Variants in RNF13 observed in about 807,000 individuals in gnomAD.
RNF13 encodes ring finger protein 13.
Under a neutral mutation model 37.7 loss-of-function variants are expected in RNF13, and 19 were observed. That is an observed-to-expected ratio of 0.50 (90% CI 0.35 to 0.74). The LOEUF (loss-of-function observed/expected upper bound fraction) is 0.74, where lower values mean the gene tolerates loss of function less well. Ranked by LOEUF, RNF13 falls within the 30% of genes least tolerant of loss-of-function variation. The pLI is 0.01. For synonymous variants in RNF13, 144 were observed against 157.8 expected, an observed-to-expected ratio of 0.91 and a Z score of 0.65; for missense variants, 375 against 453.0, an observed-to-expected ratio of 0.83 and a Z score of 1.56.
At chr3:149,931,379 C>T (rs558065046) in intron 8 of RNF13, among the ~76,000 whole-genome samples, 24 of 152,190 alleles carry the variant, frequency 1.6e-4, no homozygotes, top group Admixed American at 5.9e-4. Context: ...TCTGCTTTTA[C>T]TTGCATTGAT....
intron 3 of RNF13, among the ~76,000 whole-genome samples, chr3:149,868,629 T>C (rs950654558): frequency 6.6e-6 from 1 of 151,116 alleles, no homozygotes; most frequent in Admixed American, 6.6e-5. Flanking sequence ...CCCTTTCTGT[T>C]CTTTCCTTTC....
intron 3 of RNF13, among the ~76,000 whole-genome samples, chr3:149,869,431 C>G (rs1222799642): frequency 6.6e-6 from 1 of 151,374 alleles, no homozygotes; most frequent in Non-Finnish European, 1.5e-5. Context: ...CGGTGAAACC[C>G]CGTCTCTACT....
intron 3 of RNF13, among the ~76,000 whole-genome samples, chr3:149,859,356 TAAAC>T: frequency 6.6e-6 from 1 of 152,322 alleles, no homozygotes; most frequent in East Asian, 1.9e-4. Context: ...GCTTCTAAAA[TAAAC>T]CCTTTCCTCT....
rs1269093838 is a variant in RNF13 at position 149,895,504 on chromosome 3, C to T, written c.353C>T (p.Ala118Val). 6.2e-7 allele frequency: 1 copy of T among 1,606,176 alleles called. No homozygotes were observed. The highest frequency in any genetic ancestry group is 1.1e-5 in the South Asian group (1 of 90,366). Residue 118 changes from alanine to valine, a missense_variant, in exon 5 of 10, where the codon GCA (alanine) becomes GTA (valine). By Grantham distance (64) the Ala-to-Val change is moderately conservative. Coordinates refer to ENST00000392894, the MANE Select transcript of RNF13 (RefSeq NM_183381.3). ...VLNAQRAGYK[A>V]AIVHNVDSDD... The stretch of plus-strand genomic sequence containing the variant: ...AATGCACAGAGAGCAGGATACAAGG[C>T]AGCCATAGTTCACAATGTTGATTCT...
At chr3:149,826,408 A>G (rs1034495686) in intron 1 of RNF13, among the ~76,000 whole-genome samples, 2 of 152,218 alleles carry the variant, frequency 1.3e-5, no homozygotes, top group Admixed American at 1.3e-4. Flanking sequence ...TCTGCTCAAG[A>G]TCTGCCCTTT....
In RNF13 at chr3:149,960,969, A is replaced by G; in HGVS notation, c.1011A>G (p.Glu337=). 6.2e-7 allele frequency: 1 copy of G among 1,614,246 alleles called. No homozygotes were observed. The part of the protein sequence containing the change: ...SESRSHQNMT[E]SSDYEEDDNE... ...CCCGCTCACATCAGAACATGACAGA[A>G]TCTTCAGACTATGAGGAAGACGACA... The change falls in exon 10 of 10, where the codon GAA becomes GAG. Residue 337 remains glutamate, a synonymous_variant. Transcript: ENST00000392894.
At chr3:149,950,287 G>A (rs73868608) in intron 8 of RNF13, among the ~76,000 whole-genome samples, 4,754 of 22,536 alleles carry the variant, frequency 0.21, 250 homozygotes, top group African/African-American at 0.31. Flanking sequence ...ATCTGAGTCT[G>A]TTTGTGATGC....
At chr3:149,849,867 T>G (rs1722973133) in intron 2 of RNF13, among the ~76,000 whole-genome samples, 1 of 152,214 alleles carries the variant, frequency 6.6e-6, no homozygotes, top group Admixed American at 6.5e-5. Flanking sequence ...TTAAGGAAGC[T>G]GTCAAGAAAA....
chr3:149,900,127 CCTTTTTCTTA>C, intron 5 of RNF13, among the ~76,000 whole-genome samples: 1 of 152,228 alleles, frequency 6.6e-6, no homozygotes, highest in Non-Finnish European at 1.5e-5. Flanking sequence ...ATATTTTCTC[CCTTTTTCTTA>C]ATCATTTTAT....
intron 4 of RNF13, among the ~76,000 whole-genome samples, chr3:149,881,551 G>A (rs1250195299): frequency 5.9e-5 from 9 of 152,004 alleles, no homozygotes; most frequent in African/African-American, 1.2e-4. Context: ...GGCTGGCCTC[G>A]AACCCCTGAC....
chr3:149,915,417 G>T (rs573414475), intron 7 of RNF13, among the ~76,000 whole-genome samples: 20 of 152,144 alleles, frequency 1.3e-4, no homozygotes, highest in Admixed American at 3.3e-4. Context: ...TGGTAGGAAG[G>T]TAGAATGGAA....
rs3039646 is a variant in RNF13, at chr3:149,835,633, T to TTGTGTGTGTGTGTGTG, written c.-16-10360_-16-10345dup. Among the ~76,000 whole-genome samples the TTGTGTGTGTGTGTGTG allele has an allele frequency of 7.3e-3, 1,011 of 138,670 alleles. 4 individuals carry two copies. The highest frequency in any genetic ancestry group is 0.011 in the African/African-American group (419 of 38,126). The allele number at this position is 138,670 out of a possible 152,430, so 91.0% of individuals were successfully genotyped here. On this transcript the variant is annotated intron_variant, in intron 1 of 9. Transcript: ENST00000392894. Reference sequence around the variant, plus strand: ...ATTTTTATGGCTGCGTAGTATTCCATTGTGTGTGTGTGTGTGTGTGTGTGT... The same window carrying TTGTGTGTGTGTGTGTG: ...ATTTTTATGGCTGCGTAGTATTCCATTGTGTGTGTGTGTGTGTGTGTGTGTGTGTGTGTGTGTGTGT...
intron 2 of RNF13, among the ~76,000 whole-genome samples, chr3:149,850,078 C>G (rs1722993944): frequency 6.6e-6 from 1 of 151,378 alleles, no homozygotes. Flanking sequence ...CTCCTGGATT[C>G]AAGCGACTCT....
At chr3:149,864,008 A>ATTTTTTTTTTT (rs535062004) in intron 3 of RNF13, among the ~76,000 whole-genome samples, 1 of 29,692 alleles carries the variant, frequency 3.4e-5, no homozygotes, top group African/African-American at 1.6e-4. Flanking sequence ...TTTGATTGGA[A>ATTTTTTTTTTT]TTTTTTTTTT....
chr3:149,846,200 A>G, intron 2 of RNF13, 60 bp downstream of exon 2: 2 of 1,109,396 alleles, frequency 1.8e-6, no homozygotes, highest in Non-Finnish European at 2.7e-6. Flanking sequence ...GCTTAAAAAA[A>G]GCCTGGAATG....
At chr3:149,849,496 C>G (rs1722941389) in intron 2 of RNF13, among the ~76,000 whole-genome samples, 1 of 152,166 alleles carries the variant, frequency 6.6e-6, no homozygotes, top group Non-Finnish European at 1.5e-5. Context: ...AAATCCAGCT[C>G]TACCACTCTA....
Position 149,871,314 on chromosome 3 carries a change from T to C in RNF13, c.196-715T>C, listed in dbSNP as rs572223988. 6.5e-4 allele frequency among the ~76,000 whole-genome samples: 98 copies of C among 151,718 alleles called. 1 individual carries two copies. The highest frequency in any genetic ancestry group is 1.3e-3 in the South Asian group (6 of 4,788). ...GCCTCGGCCTCCCAAAGTGCTGGGA[T>C]TGCAAATGTGAGTCACTGTGACCAG... On this transcript the variant is annotated intron_variant, in intron 3 of 9. Transcript: ENST00000392894.
At chr3:149,815,170 C>T (rs1411675885) in intron 1 of RNF13, among the ~76,000 whole-genome samples, 1 of 152,050 alleles carries the variant, frequency 6.6e-6, no homozygotes, top group Admixed American at 6.5e-5. Context: ...TCCAGAATAA[C>T]GTAGATTTAT....
At chr3:149,922,189 G>T (rs552130546) in intron 8 of RNF13, among the ~76,000 whole-genome samples, 1 of 152,234 alleles carries the variant, frequency 6.6e-6, no homozygotes, top group African/African-American at 2.4e-5. Context: ...GGCCAGGCTG[G>T]TCTTGGACTC....
Sources: allele counts gnomAD v4.1 joint callset (sites outside exome capture counted in the v4.1 genomes callset), GRCh38; gene constraint gnomAD v4.1.1; transcripts MANE v1.5; gene names NCBI Gene and HGNC (gene_info 2026-07-23, HGNC 2026-07-21).